The following PI4KA variants were observed in gnomAD, a reference collection of about 807,000 sequenced individuals.
The protein encoded by PI4KA is PI4-kinase alpha.
A neutral mutation model predicts 271.4 loss-of-function variants in PI4KA; 122 were observed. The ratio of observed to expected loss-of-function variants is 0.45; its 90% CI spans 0.39 to 0.52. PI4KA has a LOEUF of 0.52. Among genes scored for constraint, PI4KA ranks in the 20% least tolerant of loss-of-function variants. PI4KA has a pLI of 0.00. For synonymous variants in PI4KA, 1,041 were observed against 1,078.8 expected (o/e 0.96, Z 0.69); for missense variants, 1,969 against 2,769.1 (o/e 0.71, Z 6.48).
intron 22 of PI4KA, 152 bp downstream of exon 22, chr22:20,764,665 C>T (rs537165677): frequency 3.5e-4 from 240 of 689,240 alleles, no homozygotes; most frequent in Non-Finnish European, 4.9e-4. Context: ...GAGGGGCATA[C>T]GAGAAAAGTA....
chr22:20,781,293 AG>A (rs1933781354), intron 19 of PI4KA, among the ~76,000 whole-genome samples: 2 of 152,314 alleles, frequency 1.3e-5, no homozygotes, highest in South Asian at 2.1e-4. Flanking sequence ...CTCTAAGCTG[AG>A]AGTGTGGAAG....
chr22:20,783,200 GCAC>G, intron 19 of PI4KA, among the ~76,000 whole-genome samples: 1 of 152,132 alleles, frequency 6.6e-6, no homozygotes, highest in East Asian at 1.9e-4. Context: ...TGGATACACA[GCAC>G]TGTCCCCATA....
At chr22:20,793,274 G>A (rs1393099714) in intron 18 of PI4KA, 31 bp from the exon 19 acceptor site, 6 of 1,334,680 alleles carry the variant, frequency 4.5e-6, no homozygotes, top group South Asian at 1.2e-5. Flanking sequence ...TGTCATTAAC[G>A]AGTATGTGTT....
At chr22:20,751,185 C>G in intron 27 of PI4KA, 108 bp downstream of exon 27, 1 of 878,410 alleles carries the variant, frequency 1.1e-6, no homozygotes, top group Non-Finnish European at 1.8e-6. Context: ...ACCCACACCT[C>G]AAATTGCTGG....
rs1453564190 is a variant in PI4KA, at chr22:20,790,693, A to AAAAC, written c.2328+2496_2328+2499dup. Reference sequence around the variant, plus strand: ...AAAATAAAAATAAAAAAATTTAAAAAAAACAAACACACACACACACACACA... The same window carrying AAAAC: ...AAAATAAAAATAAAAAAATTTAAAAAAAACAAACAAACACACACACACACACACA... On this transcript the variant is annotated intron_variant, in intron 19 of 54. Coordinates refer to ENST00000255882, the MANE Select transcript of PI4KA (RefSeq NM_058004.4). Among the ~76,000 whole-genome samples the AAAAC allele has an allele frequency of 4.0e-5, 4 of 99,736 alleles. No homozygotes were observed. The East Asian group carries it at 1.1e-3, about 28-fold the overall frequency. 65.4% of individuals were successfully genotyped at this position (99,736 alleles called of 152,430 possible). A position where few individuals can be genotyped will look rare whatever the true frequency, so the allele number is the denominator to read the frequency against.
intron 53 of PI4KA, 120 bp from the exon 54 acceptor site, chr22:20,709,499 C>T: frequency 1.4e-6 from 1 of 718,864 alleles, no homozygotes; most frequent in Non-Finnish European, 2.5e-6. Context: ...TGGAAATGTA[C>T]CTTTGGGGTC....
At chr22:20,719,588 C>T (rs1926447834) in intron 43 of PI4KA, among the ~76,000 whole-genome samples, 1 of 152,034 alleles carries the variant, frequency 6.6e-6, no homozygotes, top group Non-Finnish European at 1.5e-5. Context: ...AAATGACTGA[C>T]AGACAACATA....
rs570469102 is a variant in PI4KA, at chr22:20,748,967, C to T, written c.3243+938G>A. Among the ~76,000 whole-genome samples, 93 of 152,284 alleles carry T rather than the reference C, an allele frequency of 6.1e-4. 1 individual carries two copies. Among genetic ancestry groups the T allele is most frequent in the Non-Finnish European group, 1.1e-3 (73 of 68,030 alleles). Reference sequence around the variant, plus strand: ...GTGGAAAAATCAAGACCGCTTCAAGCCTTTTCATTTTCCATTTCCTTCTTA... The same window carrying T: ...GTGGAAAAATCAAGACCGCTTCAAGTCTTTTCATTTTCCATTTCCTTCTTA... On this transcript the variant is annotated intron_variant, in intron 28 of 54. Transcript: ENST00000255882.
At chr22:20,832,750 C>T (rs1038476326) in intron 3 of PI4KA, among the ~76,000 whole-genome samples, 37 of 152,278 alleles carry the variant, frequency 2.4e-4, no homozygotes, top group African/African-American at 7.7e-4. Flanking sequence ...CCACTGTGCC[C>T]GGCCGGTTTT....
In PI4KA at chr22:20,772,349, C is replaced by T. The variant is rs138350383; in HGVS notation, c.2329-6656G>A. On this transcript the variant is annotated intron_variant, in intron 19 of 54. Coordinates refer to ENST00000255882, the MANE Select transcript of PI4KA (RefSeq NM_058004.4). ...AGCAAGTGCCAGGGCTGTGCTGGGG[C>T]CGGGCTTTGCATGTGTGAGAACAAG... is the stretch of plus-strand genomic sequence containing the variant. Among the ~76,000 whole-genome samples the T allele has an allele frequency of 2.4e-4, 37 of 152,284 alleles. 1 individual carries two copies. The East Asian group carries it at 7.0e-3, about 29-fold the overall frequency.
At chr22:20,798,424 C>T in intron 17 of PI4KA, 160 bp downstream of exon 17, 2 of 614,866 alleles carry the variant, frequency 3.3e-6, no homozygotes, top group South Asian at 1.9e-5. Flanking sequence ...CAGGTGGGGG[C>T]CACATTGGGT....
chr22:20,797,323 T>C (rs1314371766), intron 17 of PI4KA, among the ~76,000 whole-genome samples: 1 of 151,920 alleles, frequency 6.6e-6, no homozygotes, highest in Non-Finnish European at 1.5e-5. Context: ...TGGCAGGTGC[T>C]ACAGACACAG....
chr22:20,804,822 G>T, intron 11 of PI4KA, 152 bp downstream of exon 11: 1 of 674,962 alleles, frequency 1.5e-6, no homozygotes, highest in Non-Finnish European at 2.6e-6. Context: ...AGGGGCTAAT[G>T]CTCCACTCTG....
chr22:20,791,827 G>A (rs1352170351), intron 19 of PI4KA, among the ~76,000 whole-genome samples: 4 of 152,152 alleles, frequency 2.6e-5, no homozygotes, highest in Non-Finnish European at 4.4e-5. Context: ...CAGGCCGGGC[G>A]CGGCAGCTCA....
rs1054851394 is a variant in PI4KA, at chr22:20,723,107, G to A, written c.4996-1689C>T. ...GCAATCTCAGCTCACTGCAAGCTCC[G>A]CCTCCCGGGTTCACGCCATTCTCCT... On this transcript the variant is annotated intron_variant, in intron 42 of 54. Coordinates refer to ENST00000255882, the MANE Select transcript of PI4KA (RefSeq NM_058004.4). Among the ~76,000 whole-genome samples the A allele has an allele frequency of 2.0e-5, 3 of 150,538 alleles. No individual in the cohort carries two copies. The Admixed American group carries it at 2.0e-4, about 10-fold the overall frequency.
chr22:20,800,698 T>TAA (rs61390860), intron 14 of PI4KA, among the ~76,000 whole-genome samples: 18,529 of 119,034 alleles, frequency 0.16, 1,444 homozygotes, highest in Middle Eastern at 0.25. Context: ...CCATCTCTAC[T>TAA]AAAAAAAAAA....
chr22:20,715,375 T>G (rs1925855769), intron 45 of PI4KA, among the ~76,000 whole-genome samples: 1 of 151,604 alleles, frequency 6.6e-6, no homozygotes, highest in African/African-American at 2.4e-5. Context: ...TGGCCTTCCT[T>G]ACCCATTTGA....
intron 17 of PI4KA, among the ~76,000 whole-genome samples, chr22:20,796,872 A>G (rs976319972): frequency 2.6e-5 from 4 of 152,174 alleles, no homozygotes; most frequent in Admixed American, 6.5e-5. Context: ...TAAACCCCGG[A>G]TGTGAAGCTG....
At chr22:20,803,416 C>G (rs1935455726) in intron 12 of PI4KA, 96 bp from the exon 13 acceptor site, 1 of 1,503,256 alleles carries the variant, frequency 6.7e-7, no homozygotes, top group Non-Finnish European at 9.1e-7. Context: ...GTACCCAAGT[C>G]TGACCCAAAA....
Sources: allele counts gnomAD v4.1 joint callset (sites outside exome capture counted in the v4.1 genomes callset), GRCh38; gene constraint gnomAD v4.1.1; transcripts MANE v1.5; gene names NCBI Gene and HGNC (gene_info 2026-07-23, HGNC 2026-07-21).